The following ABTB3 variants were observed in gnomAD, a reference collection of about 807,000 sequenced individuals.
ABTB3 encodes the protein ankyrin repeat and BTB domain containing 3, also known as ankyrin repeat- and BTB/POZ domain-containing protein 3.
the ABTB3 span, chr12:107,651,561 T>C: frequency 1.5e-6 from 1 of 667,916 alleles, no homozygotes; most frequent in Admixed American, 2.2e-5. Flanking sequence ...CCCCTACCTG[T>C]GACACTGCTG....
At chr12:107,469,868 TTCTTTCTTTC>T in the ABTB3 span, among the ~76,000 whole-genome samples, 14 of 80,096 alleles carry the variant, frequency 1.7e-4, no homozygotes, top group Admixed American at 3.5e-4. Flanking sequence ...TTTCTTTCTT[TTCTTTCTTTC>T]TTTCTTTCTT....
At chr12:107,478,860 C>A in the ABTB3 span, among the ~76,000 whole-genome samples, 1 of 152,036 alleles carries the variant, frequency 6.6e-6, no homozygotes. Context: ...GGCCCTCAGT[C>A]CCCATTAGCT....
chr12:107,370,757 ATTT>A, the ABTB3 span, among the ~76,000 whole-genome samples: 2,443 of 87,474 alleles, frequency 0.028, 34 homozygotes, highest in Middle Eastern at 0.034. Flanking sequence ...CAAAAAAGGG[ATTT>A]TTTTTTTTTT....
At chr12:107,606,246 CTTG>C in the ABTB3 span, among the ~76,000 whole-genome samples, 1 of 152,122 alleles carries the variant, frequency 6.6e-6, no homozygotes, top group Non-Finnish European at 1.5e-5. Context: ...TACATCAGGA[CTTG>C]TTGTGATGGT....
chr12:107,409,701 A>G, the ABTB3 span, among the ~76,000 whole-genome samples: 17 of 152,280 alleles, frequency 1.1e-4, no homozygotes, highest in African/African-American at 3.8e-4. Flanking sequence ...GGGGCTTGTC[A>G]GGGGTTTGCA....
chr12:107,359,144 GT>G, the ABTB3 span, among the ~76,000 whole-genome samples: 2 of 152,226 alleles, frequency 1.3e-5, no homozygotes, highest in African/African-American at 4.8e-5. Flanking sequence ...AATAAAAAAA[GT>G]CAGACGTGGT....
the ABTB3 span, among the ~76,000 whole-genome samples, chr12:107,573,382 C>T: frequency 6.6e-5 from 10 of 151,870 alleles, no homozygotes; most frequent in East Asian, 1.9e-3. Flanking sequence ...TACATGTTGG[C>T]GGAAAGAAGG....
chr12:107,429,010 T>C, the ABTB3 span, among the ~76,000 whole-genome samples: 1 of 151,984 alleles, frequency 6.6e-6, no homozygotes, highest in Non-Finnish European at 1.5e-5. Flanking sequence ...CTAGGGCAGG[T>C]AGGGGAGGAA....
chr12:107,627,251 A>T, the ABTB3 span, among the ~76,000 whole-genome samples: 7 of 151,776 alleles, frequency 4.6e-5, no homozygotes, highest in East Asian at 1.2e-3. Context: ...CCCTCTCCTC[A>T]TTCAGTTCTT....
At chr12:107,640,417 C>T in the ABTB3 span, 3 of 1,533,002 alleles carry the variant, frequency 2.0e-6, no homozygotes, top group Non-Finnish European at 2.7e-6. Flanking sequence ...CTCCAAGGTA[C>T]GTATCATCGG....
At chr12:107,452,536 C>T in the ABTB3 span, among the ~76,000 whole-genome samples, 2 of 151,484 alleles carry the variant, frequency 1.3e-5, no homozygotes, top group East Asian at 3.9e-4. Context: ...GGGTAAGCCA[C>T]GGAGGGGAGA....
the ABTB3 span, among the ~76,000 whole-genome samples, chr12:107,451,439 C>G: frequency 6.6e-6 from 1 of 152,192 alleles, no homozygotes; most frequent in Admixed American, 6.5e-5. Flanking sequence ...GATGGATGTG[C>G]TCCCTGGAGT....
chr12:107,622,873 C>G, the ABTB3 span, among the ~76,000 whole-genome samples: 1 of 152,194 alleles, frequency 6.6e-6, no homozygotes, highest in Non-Finnish European at 1.5e-5. Context: ...GAGGCATATT[C>G]GTCCCACCAT....
the ABTB3 span, among the ~76,000 whole-genome samples, chr12:107,412,346 G>C: frequency 6.6e-6 from 1 of 152,178 alleles, no homozygotes; most frequent in African/African-American, 2.4e-5. Context: ...AAGCTCAGAC[G>C]CCTGTGCCTT....
chr12:107,419,588 G>A, the ABTB3 span, among the ~76,000 whole-genome samples: 208 of 152,188 alleles, frequency 1.4e-3, no homozygotes, highest in Middle Eastern at 6.8e-3. Flanking sequence ...GTCTACAGCC[G>A]CTCTCTGTCT....
the ABTB3 span, among the ~76,000 whole-genome samples, chr12:107,483,290 G>C: frequency 3.9e-5 from 6 of 152,080 alleles, no homozygotes; most frequent in Non-Finnish European, 8.8e-5. Context: ...CGATCTGCTT[G>C]CCTCAGCCTC....
the ABTB3 span, among the ~76,000 whole-genome samples, chr12:107,438,997 C>T: frequency 2.6e-5 from 4 of 152,184 alleles, no homozygotes; most frequent in Non-Finnish European, 2.9e-5. Context: ...GTTCTGCAAA[C>T]ATAAGGCTTC....
chr12:107,635,272 T>G, the ABTB3 span: 9 of 1,611,926 alleles, frequency 5.6e-6, no homozygotes, highest in Non-Finnish European at 7.6e-6. Flanking sequence ...GACCTCCTCT[T>G]TCTTTTCTGC....
chr12:107,613,142 T>A, the ABTB3 span, among the ~76,000 whole-genome samples: 1 of 152,208 alleles, frequency 6.6e-6, no homozygotes, highest in Non-Finnish European at 1.5e-5. Flanking sequence ...GAGCACTGGC[T>A]TTTCCTTGGC....
Sources: gnomAD v4.1 joint callset for allele counts (sites outside exome capture counted in the v4.1 genomes callset) on GRCh38, gnomAD v4.1.1 for gene constraint, MANE v1.5 for transcripts, NCBI Gene and HGNC (gene_info 2026-07-23, HGNC 2026-07-21) for gene names.